Variants in B3GALT1 observed in about 807,000 individuals in gnomAD.
B3GALT1 encodes the protein beta-1,3-galactosyltransferase 1.
Under a neutral mutation model 23.2 loss-of-function variants are expected in B3GALT1, and 10 were observed. The ratio of observed to expected loss-of-function variants is 0.43; its 90% CI spans 0.27 to 0.73. The LOEUF is 0.73. Ranked by LOEUF, B3GALT1 falls within the 30% of genes least tolerant of loss-of-function variation. B3GALT1 has a pLI of 0.21. For synonymous variants in B3GALT1, 156 were observed against 141.5 expected (o/e 1.10, Z -0.73); for missense variants, 299 against 405.4 (o/e 0.74, Z 2.25).
chr2:167,606,714 C>T (rs190806500), intron 2 of B3GALT1, among the ~76,000 whole-genome samples: 8 of 152,256 alleles, frequency 5.3e-5, no homozygotes, highest in African/African-American at 1.9e-4. Context: ...TTGGGGCAAA[C>T]TTAAAGTGTT....
intron 1 of B3GALT1, among the ~76,000 whole-genome samples, chr2:167,431,425 A>C (rs1698702478): frequency 6.6e-6 from 1 of 152,222 alleles, no homozygotes; most frequent in Non-Finnish European, 1.5e-5. Flanking sequence ...GAATAATTAA[A>C]TGGCTAAAAT....
At chr2:167,728,724 T>G (rs1687360121) in intron 3 of B3GALT1, among the ~76,000 whole-genome samples, 1 of 152,234 alleles carries the variant, frequency 6.6e-6, no homozygotes, top group Non-Finnish European at 1.5e-5. Flanking sequence ...TAAATATCCT[T>G]TCATAGAGTC....
At chr2:167,560,029 G>A (rs2105387741) in intron 2 of B3GALT1, among the ~76,000 whole-genome samples, 1 of 152,222 alleles carries the variant, frequency 6.6e-6, no homozygotes, top group African/African-American at 2.4e-5. Context: ...TGAAATGAAG[G>A]AAAAAATGTT....
chr2:167,722,887 C>T (rs1387920451), intron 3 of B3GALT1, among the ~76,000 whole-genome samples: 1 of 152,144 alleles, frequency 6.6e-6, no homozygotes, highest in Non-Finnish European at 1.5e-5. Flanking sequence ...CTGTCACCAC[C>T]TCCAAGGTAA....
chr2:167,512,413 C>T (rs935384282), intron 2 of B3GALT1, among the ~76,000 whole-genome samples: 10 of 149,596 alleles, frequency 6.7e-5, no homozygotes, highest in Non-Finnish European at 1.5e-5. Flanking sequence ...TAATGTTAAA[C>T]CAACAATGCT....
chr2:167,794,784 C>A (rs1196300277), intron 3 of B3GALT1, among the ~76,000 whole-genome samples: 1 of 152,148 alleles, frequency 6.6e-6, no homozygotes, highest in East Asian at 1.9e-4. Flanking sequence ...TCATCCTGGT[C>A]ATTTAATTCC....
intron 1 of B3GALT1, among the ~76,000 whole-genome samples, chr2:167,343,593 A>G (rs1000867023): frequency 2.0e-5 from 3 of 152,174 alleles, no homozygotes; most frequent in Non-Finnish European, 1.5e-5. Flanking sequence ...CCTGCTTAGC[A>G]TGATACTCTG....
chr2:167,330,062 T>A (rs1696949876), intron 1 of B3GALT1, among the ~76,000 whole-genome samples: 1 of 152,154 alleles, frequency 6.6e-6, no homozygotes, highest in African/African-American at 2.4e-5. Context: ...TCTAAATCTC[T>A]TGCTAGACTT....
rs756466569 is a variant in B3GALT1 at position 167,546,446 on chromosome 2, A to C, written c.-410+56169A>C. ...TTTGCAACTGATAAGGTATGTCCTA[A>C]GCCCCCATCATATATCACATTGTTA... On this transcript the variant is annotated intron_variant, in intron 2 of 4. Transcript: ENST00000392690. 1.2e-4 allele frequency among the ~76,000 whole-genome samples: 19 copies of C among 152,264 alleles called. No homozygotes were observed. In the Middle Eastern group the frequency reaches 0.014, roughly 109 times the overall value.
intron 1 of B3GALT1, among the ~76,000 whole-genome samples, chr2:167,452,566 G>A (rs1250580775): frequency 6.6e-6 from 1 of 152,148 alleles, no homozygotes; most frequent in East Asian, 1.9e-4. Flanking sequence ...CCCAGGGCCT[G>A]CAGGAGCAAT....
chr2:167,585,061 C>G (rs985908825), intron 2 of B3GALT1, among the ~76,000 whole-genome samples: 10 of 152,192 alleles, frequency 6.6e-5, no homozygotes, highest in Admixed American at 6.5e-4. Context: ...GTAAACAGCT[C>G]TCATCCTGAA....
chr2:167,507,673 A>G (rs1484536652), intron 2 of B3GALT1, among the ~76,000 whole-genome samples: 3 of 152,140 alleles, frequency 2.0e-5, no homozygotes, highest in Non-Finnish European at 2.9e-5. Context: ...ACCAAGAGAC[A>G]GATACGTATT....
rs35420239 is a variant in B3GALT1, at chr2:167,621,089, CT to C, written c.-409-25803del. On this transcript the variant is annotated intron_variant, in intron 2 of 4. Coordinates refer to ENST00000392690, the MANE Select transcript of B3GALT1 (RefSeq NM_020981.4). ...TTCCCATCTTTTATATTTTTCAGTTCTTTTTTTTTTTTTTTTTGAGGCAGGG... is the reference window on the plus strand; with the variant it reads ...TTCCCATCTTTTATATTTTTCAGTTCTTTTTTTTTTTTTTTTGAGGCAGGG... 7.2e-3 allele frequency among the ~76,000 whole-genome samples: 928 copies of C among 129,142 alleles called. 9 individuals are homozygous for C. The highest frequency in any genetic ancestry group is 0.022 in the African/African-American group (743 of 34,308). 84.7% of individuals were successfully genotyped at this position (129,142 alleles called of 152,430 possible).
intron 3 of B3GALT1, among the ~76,000 whole-genome samples, chr2:167,780,168 A>G (rs570746981): frequency 2.9e-4 from 44 of 152,326 alleles, no homozygotes; most frequent in Non-Finnish European, 5.3e-4. Context: ...TCAAGAGTTC[A>G]AATAAGTTTT....
intron 3 of B3GALT1, among the ~76,000 whole-genome samples, chr2:167,797,442 A>G (rs1688562146): frequency 6.6e-6 from 1 of 152,182 alleles, no homozygotes; most frequent in Admixed American, 6.5e-5. Flanking sequence ...TGAATATACA[A>G]GTGCATGTAT....
chr2:167,332,047 C>A (rs1000978875), intron 1 of B3GALT1, among the ~76,000 whole-genome samples: 3 of 152,120 alleles, frequency 2.0e-5, no homozygotes, highest in African/African-American at 7.2e-5. Context: ...CTGCTTCTGC[C>A]CTAGACTTGG....
Position 167,786,422 on chromosome 2 carries a change from G to T in B3GALT1, c.-351-32250G>T, listed in dbSNP as rs1688346369. Among the ~76,000 whole-genome samples, 7 of 152,250 alleles carry T rather than the reference G, an allele frequency of 4.6e-5. No homozygotes were observed. In the South Asian group the frequency reaches 1.5e-3, roughly 32 times the overall value. On this transcript the variant is annotated intron_variant, in intron 3 of 4. Transcript: ENST00000392690. Reference sequence around the variant, plus strand: ...GCTACTGTGTTCATTTTCTATGTTGGCTGCAGTCATACTACCCTTATTCCG... The same window carrying T: ...GCTACTGTGTTCATTTTCTATGTTGTCTGCAGTCATACTACCCTTATTCCG...
At position 167,865,525 on chromosome 2, in the gene B3GALT1, C is replaced by T. The variant is rs1485132285; in HGVS notation, c.-229-3286C>T. 2.0e-5 allele frequency among the ~76,000 whole-genome samples: 3 copies of T among 152,158 alleles called. No individual in the cohort carries two copies. The East Asian group carries it at 5.8e-4, about 30-fold the overall frequency. On this transcript the variant is annotated intron_variant, in intron 4 of 4. Transcript: ENST00000392690. ...AAATAAATGGGGCCGGGCACAGTGG[C>T]TCACGCCTGTAATCCCAGCATTCTG... is the stretch of plus-strand genomic sequence containing the variant.
chr2:167,331,176 C>G (rs1320853166), intron 1 of B3GALT1, among the ~76,000 whole-genome samples: 1 of 151,970 alleles, frequency 6.6e-6, no homozygotes, highest in South Asian at 2.1e-4. Flanking sequence ...GAGGCTGTGG[C>G]GAAGTTATTC....
Sources: gnomAD v4.1 joint callset for allele counts (sites outside exome capture counted in the v4.1 genomes callset) on GRCh38, gnomAD v4.1.1 for gene constraint, MANE v1.5 for transcripts, NCBI Gene and HGNC (gene_info 2026-07-23, HGNC 2026-07-21) for gene names.